NKAIN3: variants seen among roughly 807,000 people sequenced by gnomAD.
NKAIN3 encodes sodium/potassium-transporting ATPase subunit beta-1-interacting protein 3.
NKAIN3 carries 25 observed loss-of-function variants against 30.2 expected under a neutral mutation model. That is an observed-to-expected ratio of 0.83 (90% CI 0.60 to 1.16). NKAIN3 has a LOEUF of 1.16. Among genes scored for constraint, NKAIN3 ranks in the 50% most tolerant of loss-of-function variants. The pLI is 0.00. For missense variants in NKAIN3, 225 were observed against 254.1 expected (o/e 0.89, Z 0.78); for synonymous variants, 91 against 89.6 (o/e 1.02, Z -0.09).
chr8:62,698,049 C>T (rs533603842), intron 3 of NKAIN3, among the ~76,000 whole-genome samples: 1 of 151,516 alleles, frequency 6.6e-6, no homozygotes, highest in East Asian at 1.9e-4. Context: ...AAAGAGAAAA[C>T]ATAATGTAAT....
At chr8:62,987,807 C>T (rs536412197), downstream of NKAIN3, among the ~76,000 whole-genome samples, 1 of 152,258 alleles carries the variant, frequency 6.6e-6, no homozygotes, top group South Asian at 2.1e-4. Flanking sequence ...CATGCCTTCC[C>T]AACAGTCCCC....
intron 4 of NKAIN3, among the ~76,000 whole-genome samples, chr8:62,802,951 C>A (rs1260817416): frequency 6.6e-6 from 1 of 152,044 alleles, no homozygotes; most frequent in Admixed American, 6.5e-5. Context: ...CAAAAAAAGG[C>A]AGGGGTTGCA....
At chr8:62,523,279 T>G (rs760666262) in intron 1 of NKAIN3, among the ~76,000 whole-genome samples, 6 of 152,170 alleles carry the variant, frequency 3.9e-5, no homozygotes, top group Non-Finnish European at 7.3e-5. Context: ...CATCTAGGTT[T>G]GTGTAAGTAC....
intron 1 of NKAIN3, among the ~76,000 whole-genome samples, chr8:62,572,094 T>C (rs1426750087): frequency 2.0e-5 from 3 of 152,156 alleles, no homozygotes. Context: ...AGGCTGCAAA[T>C]TTTCCAAACT....
chr8:62,319,626 A>T (rs991199217), intron 1 of NKAIN3, among the ~76,000 whole-genome samples: 1 of 152,108 alleles, frequency 6.6e-6, no homozygotes, highest in African/African-American at 2.4e-5. Flanking sequence ...TTCAGTTTCC[A>T]TGTAGTTGAG....
intron 4 of NKAIN3, among the ~76,000 whole-genome samples, chr8:62,773,505 A>T (rs911934686): frequency 6.6e-6 from 1 of 151,998 alleles, no homozygotes; most frequent in African/African-American, 2.4e-5. Context: ...TTTCCTCAGG[A>T]TAGCTGATAA....
intron 3 of NKAIN3, among the ~76,000 whole-genome samples, chr8:62,726,940 G>T (rs1229041902): frequency 6.6e-6 from 1 of 152,148 alleles, no homozygotes; most frequent in Admixed American, 6.5e-5. Context: ...GAACACATAT[G>T]CAAAAATCAT....
chr8:62,885,015 C>A (rs913846510), intron 4 of NKAIN3, among the ~76,000 whole-genome samples: 8 of 151,630 alleles, frequency 5.3e-5, no homozygotes, highest in African/African-American at 1.9e-4. Flanking sequence ...TGTTTCTTTT[C>A]TTCTACTTAC....
intron 5 of NKAIN3, among the ~76,000 whole-genome samples, chr8:62,997,663 T>C (rs1804148631): frequency 6.6e-6 from 1 of 152,128 alleles, no homozygotes; most frequent in South Asian, 2.1e-4. Flanking sequence ...TGCTTTCATT[T>C]GTTCTTACTT....
chr8:62,685,184 A>G (rs1372606719), intron 3 of NKAIN3, among the ~76,000 whole-genome samples: 1 of 152,222 alleles, frequency 6.6e-6, no homozygotes, highest in Non-Finnish European at 1.5e-5. Flanking sequence ...CAGGTAGGAA[A>G]GGGTTTTCAT....
chr8:62,600,168 T>C (rs942951411), intron 3 of NKAIN3, among the ~76,000 whole-genome samples: 1 of 151,964 alleles, frequency 6.6e-6, no homozygotes, highest in African/African-American at 2.4e-5. Context: ...AATTGACTTA[T>C]CTTGAAAGGT....
chr8:62,297,927 T>A (rs1299352056), intron 1 of NKAIN3, among the ~76,000 whole-genome samples: 1 of 152,168 alleles, frequency 6.6e-6, no homozygotes. Context: ...CCAACCCAAA[T>A]GTCCAACAAT....
At position 62,838,129 on chromosome 8, in the gene NKAIN3, C is replaced by CTGTGTG. The variant is rs4031520; in HGVS notation, c.472-80306_472-80301dup. On this transcript the variant is annotated intron_variant, in intron 4 of 6. Transcript: ENST00000623646. ...GTATCTCACTCTGAACAATACCGCTCTGTGTGTGTGTGTGTGTGTGTGTAT... is the reference window on the plus strand; with the variant it reads ...GTATCTCACTCTGAACAATACCGCTCTGTGTGTGTGTGTGTGTGTGTGTGTGTGTAT... Among the ~76,000 whole-genome samples, 682 of 147,694 alleles carry CTGTGTG rather than the reference C, an allele frequency of 4.6e-3. 5 individuals are homozygous for CTGTGTG. Among genetic ancestry groups the CTGTGTG allele is most frequent in the Middle Eastern group, 0.014 (4 of 280 alleles).
In NKAIN3 at chr8:62,311,580, T is replaced by C. The variant is rs560134286; in HGVS notation, c.54+62453T>C. Among the ~76,000 whole-genome samples, 3 of 150,648 alleles carry C rather than the reference T, an allele frequency of 2.0e-5. No homozygotes were observed. In the East Asian group the frequency reaches 5.8e-4, roughly 29 times the overall value. On this transcript the variant is annotated intron_variant, in intron 1 of 6. Transcript: ENST00000623646. ...GGTCAAGTAGGACAGAGCCCTGGAC[T>C]CCATGAGCCCCTCTGGGTGACTTAG...
chr8:62,761,317 G>C (rs549909337), intron 4 of NKAIN3, among the ~76,000 whole-genome samples: 3 of 152,014 alleles, frequency 2.0e-5, no homozygotes, highest in African/African-American at 7.2e-5. Context: ...TGCATACTGG[G>C]TTTGCTGCTT....
intron 3 of NKAIN3, among the ~76,000 whole-genome samples, chr8:62,695,811 G>C (rs1814135660): frequency 1.3e-5 from 2 of 152,170 alleles, no homozygotes; most frequent in Non-Finnish European, 2.9e-5. Flanking sequence ...ATATGTCTAA[G>C]AGCACTGAGG....
intron 4 of NKAIN3, among the ~76,000 whole-genome samples, chr8:62,762,189 A>C (rs1399905745): frequency 6.6e-6 from 1 of 151,950 alleles, no homozygotes; most frequent in African/African-American, 2.4e-5. Context: ...GGTGGTGGGC[A>C]CCTGTAATCC....
intron 1 of NKAIN3, among the ~76,000 whole-genome samples, chr8:62,334,136 G>C (rs1223236945): frequency 1.3e-5 from 2 of 152,192 alleles, no homozygotes; most frequent in East Asian, 1.9e-4. Flanking sequence ...ATAATAACAT[G>C]TAAGTTCTAC....
At chr8:62,852,155 G>A (rs989593260) in intron 4 of NKAIN3, among the ~76,000 whole-genome samples, 21 of 152,268 alleles carry the variant, frequency 1.4e-4, no homozygotes, top group African/African-American at 5.1e-4. Context: ...TCTATTCGGA[G>A]ATTCATCTTT....
Sources: allele counts gnomAD v4.1 joint callset (sites outside exome capture counted in the v4.1 genomes callset), GRCh38; gene constraint gnomAD v4.1.1; transcripts MANE v1.5; gene names NCBI Gene and HGNC (gene_info 2026-07-23, HGNC 2026-07-21).